The following PEPD variants were observed in gnomAD, a reference collection of about 807,000 sequenced individuals.
PEPD encodes the protein xaa-Pro dipeptidase.
In PEPD, 53 loss-of-function variants were observed where a neutral mutation model predicts 60.7. That is an observed-to-expected ratio of 0.87 (90% CI 0.70 to 1.10). The LOEUF is 1.10. Ranked by LOEUF, PEPD falls within the 50% of genes least tolerant of loss-of-function variation. PEPD has a pLI of 0.00. For missense variants in PEPD, 711 were observed against 711.9 expected (o/e 1.00, Z 0.01); for synonymous variants, 267 against 284.1 (o/e 0.94, Z 0.60).
intron 6 of PEPD, among the ~76,000 whole-genome samples, chr19:33,479,231 G>T (rs10404501): frequency 0.41 from 61,691 of 151,214 alleles, 13,095 homozygotes; most frequent in African/African-American, 0.53. Flanking sequence ...ACCAAAATGT[G>T]ACAATAAAAA....
intron 12 of PEPD, among the ~76,000 whole-genome samples, chr19:33,392,012 G>C (rs542681679): frequency 2.0e-5 from 3 of 152,334 alleles, no homozygotes; most frequent in South Asian, 4.1e-4. Flanking sequence ...GCACATCCCA[G>C]AATGGGGATG....
chr19:33,425,403 CCT>C lies in PEPD; in HGVS notation c.672-11762_672-11761del, dbSNP rs1160259565. ...TTGTCCCTCTAAGGAACGCTGGCAC[CCT>C]GTCTCCATCCTCCCCAGGAAGGTGT... On this transcript the variant is annotated intron_variant, in intron 9 of 14. Coordinates refer to ENST00000244137, the MANE Select transcript of PEPD (RefSeq NM_000285.4). Among the ~76,000 whole-genome samples the C allele has an allele frequency of 9.2e-5, 14 of 152,228 alleles. No individual in the cohort carries two copies. The East Asian group carries it at 2.1e-3, about 23-fold the overall frequency.
At chr19:33,387,638 C>T (rs2145320244) in intron 14 of PEPD, 157 bp from the exon 15 acceptor site, 1 of 949,498 alleles carries the variant, frequency 1.1e-6, no homozygotes, top group Non-Finnish European at 1.6e-6. Flanking sequence ...AGCCATCTGC[C>T]CATGTCACCT....
chr19:33,425,296 C>G (rs1397236452), intron 9 of PEPD, among the ~76,000 whole-genome samples: 1 of 116,350 alleles, frequency 8.6e-6, no homozygotes, highest in Admixed American at 7.7e-5. Flanking sequence ...GATTCAGTCT[C>G]AAAACAAACA....
chr19:33,473,293 C>T (rs1970160049), intron 7 of PEPD, among the ~76,000 whole-genome samples: 1 of 152,090 alleles, frequency 6.6e-6, no homozygotes, highest in African/African-American at 2.4e-5. Flanking sequence ...GAATCCTTTT[C>T]ACAGACACAC....
At chr19:33,493,459 G>A (rs1183533163) in intron 4 of PEPD, 122 bp from the exon 5 acceptor site, 4 of 768,418 alleles carry the variant, frequency 5.2e-6, no homozygotes, top group East Asian at 5.3e-5. Context: ...AACAGGCGAC[G>A]TGGGCGCTGC....
intron 6 of PEPD, among the ~76,000 whole-genome samples, chr19:33,485,210 C>A (rs1039490636): frequency 1.3e-5 from 2 of 152,088 alleles, no homozygotes; most frequent in African/African-American, 4.8e-5. Context: ...AAAGCCAATC[C>A]TGGCTGGGCG....
At chr19:33,485,276 C>T (rs1290012989) in intron 6 of PEPD, among the ~76,000 whole-genome samples, 4 of 151,952 alleles carry the variant, frequency 2.6e-5, no homozygotes, top group African/African-American at 9.7e-5. Context: ...GGTGAATCAC[C>T]TAAGGTCAGG....
At position 33,387,897 on chromosome 19, in the gene PEPD, A is replaced by G; in HGVS notation, c.1337T>C (p.Phe446Ser). 1 of 1,568,716 alleles carries G rather than the reference A, an allele frequency of 6.4e-7. No homozygotes were observed. The highest frequency in any genetic ancestry group is 2.3e-5 in the East Asian group (1 of 42,744). Residue 446 changes from phenylalanine to serine, a missense_variant, in exon 14 of 15, where the codon TTT becomes TCT. Transcript: ENST00000244137. Reference protein sequence around the residue: ...NREVLQRFRGFGGVRIEEDVV... With the variant: ...NREVLQRFRGSGGVRIEEDVV... ...GGGCCCGTGGGCACTCACCCCGCCA[A>G]AACCGCGAAAGCGCTGCAGGACCTC...
intron 9 of PEPD, among the ~76,000 whole-genome samples, chr19:33,430,886 A>C (rs1476824191): frequency 4.6e-5 from 7 of 151,992 alleles, no homozygotes; most frequent in Non-Finnish European, 8.8e-5. Flanking sequence ...ACGCACACAG[A>C]GCTCCTTGAA....
intron 12 of PEPD, among the ~76,000 whole-genome samples, chr19:33,398,862 G>GCTC (rs1968426815): frequency 6.6e-6 from 1 of 152,158 alleles, no homozygotes; most frequent in Admixed American, 6.5e-5. Context: ...GGGAATTCAC[G>GCTC]CTCTCACTCC....
At position 33,443,992 on chromosome 19, in the gene PEPD, ACAGT is replaced by A. The variant is rs1306129290; in HGVS notation, c.671+18999_671+19002del. On this transcript the variant is annotated intron_variant, in intron 9 of 14. Coordinates refer to ENST00000244137, the MANE Select transcript of PEPD (RefSeq NM_000285.4). ...CGCGCGTGCGCGCGCACACACACAC[ACAGT>A]GTGTCCTCAGGCAGGGAGGGTGAGA... Among the ~76,000 whole-genome samples the A allele has an allele frequency of 3.3e-5, 5 of 152,326 alleles. No homozygotes were observed. In the East Asian group the frequency reaches 9.7e-4, roughly 29 times the overall value.
In PEPD at chr19:33,484,428, T is replaced by C. The variant is rs563252500; in HGVS notation, c.503+5568A>G. Among the ~76,000 whole-genome samples, 235 of 152,136 alleles carry C rather than the reference T, an allele frequency of 1.5e-3. 1 individual carries two copies. The highest frequency in any genetic ancestry group is 4.5e-3 in the African/African-American group (187 of 41,492). ...ACCCAGCACAGAGTGACTCAGCACA[T>C]AGACACAGATGCACACACGCAGACA... On this transcript the variant is annotated intron_variant, in intron 6 of 14. Coordinates refer to ENST00000244137, the MANE Select transcript of PEPD (RefSeq NM_000285.4).
In PEPD at chr19:33,500,932, A is replaced by T; in HGVS notation, c.393+6T>A. 1 of 1,551,070 alleles carries T rather than the reference A, an allele frequency of 6.4e-7. No homozygotes were observed. On this transcript the variant is annotated splice_donor_region_variant and intron_variant, in intron 4 of 14. Transcript: ENST00000244137. ...GGGCTGCTCAGAGGAGGAGCCGGCT[A>T]CCCACCTCATCTACGTACTGGACGT...
rs1487644529 is a variant in PEPD, at chr19:33,466,767, AAAGAAAT to A, written c.549-2712_549-2706del. Among the ~76,000 whole-genome samples the A allele has an allele frequency of 1.2e-4, 18 of 149,104 alleles. 1 individual carries two copies. The South Asian group carries it at 1.9e-3, about 16-fold the overall frequency. ...TGCTTTTGTACTAATGAAAAAAAAAAAAGAAATAAAAATTTTTTTCTAATAAAAAAAC... is the reference window on the plus strand; with the variant it reads ...TGCTTTTGTACTAATGAAAAAAAAAAAAAAATTTTTTTCTAATAAAAAAAC... On this transcript the variant is annotated intron_variant, in intron 7 of 14. Transcript: ENST00000244137.
At chr19:33,480,534 C>T (rs1426202895) in intron 6 of PEPD, among the ~76,000 whole-genome samples, 1 of 152,306 alleles carries the variant, frequency 6.6e-6, no homozygotes, top group African/African-American at 2.4e-5. Flanking sequence ...CGGTGGCTCA[C>T]GCCTGTAATC....
intron 12 of PEPD, among the ~76,000 whole-genome samples, chr19:33,399,822 T>C (rs1342433897): frequency 1.3e-5 from 2 of 152,164 alleles, no homozygotes; most frequent in Admixed American, 1.3e-4. Flanking sequence ...GCCAGCTCTC[T>C]GTGGGTCCTT....
intron 4 of PEPD, among the ~76,000 whole-genome samples, chr19:33,498,270 A>T (rs75891091): frequency 0.011 from 1,618 of 152,190 alleles, 30 homozygotes; most frequent in African/African-American, 0.036. Context: ...AACCCTAAAG[A>T]GATTCTAGCC....
intron 4 of PEPD, among the ~76,000 whole-genome samples, chr19:33,494,556 G>A (rs1373787566): frequency 6.6e-6 from 1 of 152,214 alleles, no homozygotes; most frequent in Non-Finnish European, 1.5e-5. Context: ...TGGATCATAT[G>A]AAATTACATG....
Sources: gnomAD v4.1 joint callset for allele counts (sites outside exome capture counted in the v4.1 genomes callset) on GRCh38, gnomAD v4.1.1 for gene constraint, MANE v1.5 for transcripts, NCBI Gene and HGNC (gene_info 2026-07-23, HGNC 2026-07-21) for gene names.